The following FOXN3 variants were observed in gnomAD, a reference collection of about 807,000 sequenced individuals.
The protein encoded by FOXN3 is forkhead box protein N3.
Under a neutral mutation model 38.4 loss-of-function variants are expected in FOXN3, and 7 were observed. The observed-to-expected ratio is 0.18, with a 90% CI of 0.10 to 0.34. The LOEUF is 0.34. Among genes scored for constraint, FOXN3 ranks in the 10% least tolerant of loss-of-function variants. The probability of loss-of-function intolerance (pLI) is 1.00; values close to 1 mark genes in which losing one functional copy is unlikely to be tolerated. For synonymous variants in FOXN3, 230 were observed against 242.2 expected, an observed-to-expected ratio of 0.95 and a Z score of 0.47; for missense variants, 456 against 613.4, an observed-to-expected ratio of 0.74 and a Z score of 2.71.
chr14:89,375,733 A>G (rs981816388), intron 2 of FOXN3, among the ~76,000 whole-genome samples: 3 of 152,178 alleles, frequency 2.0e-5, no homozygotes, highest in Non-Finnish European at 4.4e-5. Flanking sequence ...CCCAGCTATA[A>G]TGAATACACC....
intron 1 of FOXN3, among the ~76,000 whole-genome samples, chr14:89,542,487 A>G (rs924902015): frequency 6.6e-6 from 1 of 152,250 alleles, no homozygotes; most frequent in East Asian, 1.9e-4. Flanking sequence ...CACAATTAAT[A>G]AAGTTCAGCA....
intron 2 of FOXN3, among the ~76,000 whole-genome samples, chr14:89,355,638 T>G (rs1025140918): frequency 1.3e-5 from 2 of 152,370 alleles, no homozygotes; most frequent in Non-Finnish European, 1.5e-5. Context: ...TGGAACAGAA[T>G]GTAACAAACT....
rs147599898 is a variant in FOXN3, at chr14:89,385,850, G to A, written c.543+26084C>T. On this transcript the variant is annotated intron_variant, in intron 2 of 5. Transcript: ENST00000557258. ...CTAACGTTCTCTCAGGCCTCTTACT[G>A]TGAGTGTACATGAGAGGGAGAAAAA... 2.8e-3 allele frequency among the ~76,000 whole-genome samples: 432 copies of A among 152,346 alleles called. 2 individuals carry two copies. Among genetic ancestry groups the A allele is most frequent in the African/African-American group, 9.9e-3 (413 of 41,568 alleles).
At chr14:89,378,989 G>A (rs1380666090) in intron 2 of FOXN3, among the ~76,000 whole-genome samples, 2 of 152,234 alleles carry the variant, frequency 1.3e-5, no homozygotes, top group Non-Finnish European at 2.9e-5. Flanking sequence ...TTACATGCAT[G>A]AGCCACTGTG....
intron 1 of FOXN3, among the ~76,000 whole-genome samples, chr14:89,573,497 A>G (rs1895536370): frequency 6.6e-6 from 1 of 152,260 alleles, no homozygotes; most frequent in Non-Finnish European, 1.5e-5. Flanking sequence ...TTACAAATAT[A>G]TTGCAGGAAG....
chr14:89,515,345 G>A (rs187811066), intron 1 of FOXN3, among the ~76,000 whole-genome samples: 80 of 152,324 alleles, frequency 5.3e-4, no homozygotes, highest in Non-Finnish European at 9.6e-4. Context: ...AGCACACACT[G>A]TCATTTAGAA....
intron 2 of FOXN3, among the ~76,000 whole-genome samples, chr14:89,370,139 T>C (rs1340490717): frequency 1.3e-5 from 2 of 152,260 alleles, no homozygotes; most frequent in Non-Finnish European, 2.9e-5. Flanking sequence ...ACTATTGTCT[T>C]TATTACAACT....
intron 1 of FOXN3, among the ~76,000 whole-genome samples, chr14:89,574,611 C>T (rs562633048): frequency 1.3e-5 from 2 of 152,360 alleles, no homozygotes; most frequent in South Asian, 4.1e-4. Flanking sequence ...CAAAGGGCCA[C>T]TCCCTCCCAT....
At chr14:89,428,052 G>T (rs1035315798) in intron 1 of FOXN3, among the ~76,000 whole-genome samples, 1 of 152,142 alleles carries the variant, frequency 6.6e-6, no homozygotes, top group African/African-American at 2.4e-5. Context: ...TCCACGCCAA[G>T]AAATAACTTC....
intron 1 of FOXN3, among the ~76,000 whole-genome samples, chr14:89,604,109 C>CA (rs1896215704): frequency 6.6e-6 from 1 of 152,124 alleles, no homozygotes; most frequent in African/African-American, 2.4e-5. Context: ...AGGAACCTGA[C>CA]AAAAACAAAT....
At chr14:89,173,419 G>C (rs1159572833) in intron 5 of FOXN3, among the ~76,000 whole-genome samples, 1 of 152,174 alleles carries the variant, frequency 6.6e-6, no homozygotes, top group Non-Finnish European at 1.5e-5. Context: ...GTAAAGCTGA[G>C]CATGTACATA....
chr14:89,178,448 C>A (rs1308367438), intron 5 of FOXN3, among the ~76,000 whole-genome samples: 13 of 152,188 alleles, frequency 8.5e-5, no homozygotes, highest in Admixed American at 8.5e-4. Flanking sequence ...CCACACCCAG[C>A]CCTGGTTAAC....
chr14:89,494,472 G>A (rs1316121832), intron 1 of FOXN3, among the ~76,000 whole-genome samples: 1 of 152,252 alleles, frequency 6.6e-6, no homozygotes, highest in African/African-American at 2.4e-5. Context: ...TCTGCTTAAG[G>A]TGGTGCAGCT....
At chr14:89,381,570 A>G (rs961786042) in intron 2 of FOXN3, among the ~76,000 whole-genome samples, 1 of 147,534 alleles carries the variant, frequency 6.8e-6, no homozygotes, top group Non-Finnish European at 1.5e-5. Flanking sequence ...GCTTAAGTGA[A>G]GGTACAGGCC....
chr14:89,526,967 G>C (rs912583461), intron 1 of FOXN3, among the ~76,000 whole-genome samples: 1 of 151,642 alleles, frequency 6.6e-6, no homozygotes, highest in African/African-American at 2.4e-5. Flanking sequence ...TTAAACAAAA[G>C]TAAAAAAGTA....
intron 4 of FOXN3, among the ~76,000 whole-genome samples, chr14:89,232,532 C>T (rs970091170): frequency 6.6e-6 from 1 of 152,184 alleles, no homozygotes; most frequent in Admixed American, 6.5e-5. Flanking sequence ...TAACTGTCTC[C>T]GTGCCTACGC....
chr14:89,413,444 G>A (rs1378748879), intron 1 of FOXN3, among the ~76,000 whole-genome samples: 1 of 151,882 alleles, frequency 6.6e-6, no homozygotes, highest in Non-Finnish European at 1.5e-5. Context: ...GACCAGCCTG[G>A]GCAACATGGC....
intron 1 of FOXN3, among the ~76,000 whole-genome samples, chr14:89,591,536 G>A (rs572895787): frequency 6.6e-6 from 1 of 152,304 alleles, no homozygotes. Flanking sequence ...TATCCAATAA[G>A]CTCTTCTGAA....
intron 1 of FOXN3, among the ~76,000 whole-genome samples, chr14:89,612,606 G>C (rs1896415062): frequency 1.3e-5 from 2 of 151,640 alleles, no homozygotes; most frequent in Admixed American, 1.3e-4. Flanking sequence ...GACCAGCCTG[G>C]GGAGCACAGG....
Sources: gnomAD v4.1 joint callset for allele counts (sites outside exome capture counted in the v4.1 genomes callset) on GRCh38, gnomAD v4.1.1 for gene constraint, MANE v1.5 for transcripts, NCBI Gene and HGNC (gene_info 2026-07-23, HGNC 2026-07-21) for gene names.